Variants in TRANK1 observed in about 807,000 individuals in gnomAD.
TRANK1 encodes the protein tetratricopeptide repeat and ankyrin repeat containing 1, also known as TPR and ankyrin repeat-containing protein 1.
TRANK1 carries 198 observed loss-of-function variants against 266.0 expected under a neutral mutation model. That is an observed-to-expected ratio of 0.74 (90% CI 0.66 to 0.84). The LOEUF (loss-of-function observed/expected upper bound fraction) is 0.84, where lower values mean the gene tolerates loss of function less well. Among genes scored for constraint, TRANK1 ranks in the 40% least tolerant of loss-of-function variants. TRANK1 has a pLI of 0.00. For missense variants in TRANK1, 3,326 were observed against 3,634.6 expected, an observed-to-expected ratio of 0.92 and a Z score of 2.18; for synonymous variants, 1,396 against 1,384.1, an observed-to-expected ratio of 1.01 and a Z score of -0.19.
At chr3:36,905,388 T>G (rs1295036048) in intron 2 of TRANK1, among the ~76,000 whole-genome samples, 1 of 151,888 alleles carries the variant, frequency 6.6e-6, no homozygotes, top group African/African-American at 2.4e-5. Context: ...TTAGCTGAGG[T>G]CATGAGGGTG....
rs2079056440 is a variant in TRANK1 at position 36,856,508 on chromosome 3, T to C, written c.3214A>G (p.Ile1072Val). The C allele has an allele frequency of 3.1e-6, 5 of 1,613,992 alleles. No individual in the cohort carries two copies. Among genetic ancestry groups the C allele is most frequent in the African/African-American group, 1.3e-5 (1 of 75,044 alleles). Residue 1072 changes from isoleucine to valine, a missense_variant, in exon 13 of 24, where the codon ATC (isoleucine) becomes GTC (valine). By Grantham distance (29) the Ile-to-Val change is conservative. Coordinates refer to ENST00000645898, the MANE Select transcript of TRANK1 (RefSeq NM_001329998.2). ...GTGCCACTTCGCCCAATAAGGATGATGGGCTCCAGTGGCCTGGGATTGAGG... is the reference window on the plus strand; with the variant it reads ...GTGCCACTTCGCCCAATAAGGATGACGGGCTCCAGTGGCCTGGGATTGAGG... Reference protein sequence around the residue: ...IDLNPRPLEPIILIGRSGTGK... With the variant: ...IDLNPRPLEPVILIGRSGTGK...
chr3:36,926,684 G>A (rs949755854), intron 1 of TRANK1, among the ~76,000 whole-genome samples: 1 of 152,114 alleles, frequency 6.6e-6, no homozygotes, highest in South Asian at 2.1e-4. Context: ...CAACTCTAAC[G>A]AGTTCACTGT....
At chr3:36,907,699 C>T (rs971957678) in intron 2 of TRANK1, among the ~76,000 whole-genome samples, 1 of 144,098 alleles carries the variant, frequency 6.9e-6, no homozygotes, top group African/African-American at 2.6e-5. Flanking sequence ...CTCCTGACCT[C>T]GTGATCTGCC....
intron 3 of TRANK1, among the ~76,000 whole-genome samples, chr3:36,902,799 A>G (rs1405226342): frequency 6.6e-6 from 1 of 152,246 alleles, no homozygotes; most frequent in African/African-American, 2.4e-5. Context: ...ACTATATCAG[A>G]ACAAAACAAG....
At chr3:36,878,422 A>C (rs890158693) in intron 8 of TRANK1, among the ~76,000 whole-genome samples, 3 of 152,206 alleles carry the variant, frequency 2.0e-5, no homozygotes, top group African/African-American at 7.2e-5. Context: ...TGCAGGTCCT[A>C]AACTACCAAC....
Position 36,852,347 on chromosome 3 carries a change from TG to T in TRANK1, c.4550-3del. 1 of 1,562,236 alleles carries T rather than the reference TG, an allele frequency of 6.4e-7. No individual in the cohort carries two copies. Among genetic ancestry groups the T allele is most frequent in the South Asian group, 1.2e-5 (1 of 82,554 alleles). On this transcript the variant is annotated splice_region_variant and splice_polypyrimidine_tract_variant and intron_variant, in intron 13 of 23. Transcript: ENST00000645898. ...CTCCAGATGCCAGATTGAGGATTCC[TG>T]GAATGAAACAGAAAACCCAAGTTGG... is the stretch of plus-strand genomic sequence containing the variant.
At chr3:36,895,952 C>T (rs1217562161) in intron 4 of TRANK1, among the ~76,000 whole-genome samples, 194 bp from the exon 5 acceptor site, 2 of 152,140 alleles carry the variant, frequency 1.3e-5, no homozygotes, top group African/African-American at 4.8e-5. Flanking sequence ...ATCATAAAAT[C>T]AATCCCCTAA....
intron 1 of TRANK1, among the ~76,000 whole-genome samples, chr3:36,942,838 G>T (rs1040113520): frequency 2.0e-5 from 3 of 148,910 alleles, no homozygotes; most frequent in Non-Finnish European, 3.0e-5. Flanking sequence ...CTGGTCAGTC[G>T]GTCATAAAGT....
At chr3:36,849,788 A>G (rs576003545) in intron 15 of TRANK1, among the ~76,000 whole-genome samples, 1 of 152,178 alleles carries the variant, frequency 6.6e-6, no homozygotes, top group East Asian at 1.9e-4. Context: ...GAGGTTGTAA[A>G]TGATAAACTG....
intron 9 of TRANK1, among the ~76,000 whole-genome samples, chr3:36,865,434 A>G (rs1026220274): frequency 1.3e-5 from 2 of 152,242 alleles, no homozygotes; most frequent in Non-Finnish European, 2.9e-5. Flanking sequence ...GCACGATGGC[A>G]ACATCCAACT....
rs2079064808 is a variant in TRANK1 at position 36,856,953 on chromosome 3, C to G, written c.2769G>C (p.Gln923His). Residue 923 changes from glutamine (Q) to histidine (H), a missense_variant, in exon 13 of 24, where the codon CAG becomes CAC. Physicochemically the swap from Gln to His is conservative, Grantham distance 24 (BLOSUM62 0). Transcript: ENST00000645898. ...CTGATTTCTCCATTGCACACGTGTTCTGCTCCGTGGCAATGATCTTCTCAG... is the reference window on the plus strand; with the variant it reads ...CTGATTTCTCCATTGCACACGTGTTGTGCTCCGTGGCAATGATCTTCTCAG... Reference protein sequence around the residue: ...ENPEKIIATEQNTCAMEKSGR... With the variant: ...ENPEKIIATEHNTCAMEKSGR... The G allele has an allele frequency of 6.2e-7, 1 of 1,613,394 alleles. No homozygotes were observed.
Position 36,846,861 on chromosome 3 carries a change from A to C in TRANK1, c.5034+339T>G, listed in dbSNP as rs182397775. Among the ~76,000 whole-genome samples the C allele has an allele frequency of 2.0e-5, 3 of 152,300 alleles. No homozygotes were observed. The East Asian group carries it at 5.8e-4, about 29-fold the overall frequency. On this transcript the variant is annotated intron_variant, in intron 16 of 23. Transcript: ENST00000645898. ...TTTTTAAAAATTAAACCAGTCATAC[A>C]CTTTTACTATAACTATCACTAGTAC... is the stretch of plus-strand genomic sequence containing the variant.
intron 1 of TRANK1, among the ~76,000 whole-genome samples, chr3:36,939,599 C>T (rs1575341394): frequency 6.6e-6 from 1 of 152,170 alleles, no homozygotes; most frequent in African/African-American, 2.4e-5. Flanking sequence ...GTATCACATA[C>T]ATGACTGGAC....
intron 1 of TRANK1, among the ~76,000 whole-genome samples, chr3:36,937,478 GAACA>G (rs2125669887): frequency 6.6e-6 from 1 of 152,046 alleles, no homozygotes; most frequent in East Asian, 1.9e-4. Flanking sequence ...TCCAAGCAAG[GAACA>G]AACTTAAGTC....
intron 6 of TRANK1, 49 bp downstream of exon 6, chr3:36,892,852 C>CAAA (rs771679113): frequency 1.2e-4 from 72 of 582,060 alleles, no homozygotes; most frequent in African/African-American, 1.1e-3. Context: ...CAAAACAAAA[C>CAAA]ATATATATAT....
rs1438509476 is a variant in TRANK1, at chr3:36,941,044, T to G, written c.23+3743A>C. Among the ~76,000 whole-genome samples the G allele has an allele frequency of 2.0e-5, 3 of 152,298 alleles. No individual in the cohort carries two copies. In the East Asian group the frequency reaches 5.8e-4, roughly 29 times the overall value. On this transcript the variant is annotated intron_variant, in intron 1 of 23. Coordinates refer to ENST00000645898, the MANE Select transcript of TRANK1 (RefSeq NM_001329998.2). ...AAATGATTGCCCTGGTGGCCACAGC[T>G]GAACATGAAGGATGAGCCCATCCAA...
intron 3 of TRANK1, among the ~76,000 whole-genome samples, chr3:36,901,101 GTTTTT>G (rs55801006): frequency 4.6e-4 from 63 of 136,988 alleles, no homozygotes; most frequent in East Asian, 4.4e-3. Flanking sequence ...ATTCAAGGTT[GTTTTT>G]TTTTTTTTTT....
intron 9 of TRANK1, among the ~76,000 whole-genome samples, chr3:36,869,373 C>A (rs1000644391): frequency 9.8e-5 from 15 of 152,330 alleles, no homozygotes; most frequent in Non-Finnish European, 1.9e-4. Flanking sequence ...TGGGGTACAG[C>A]AAACTTGAGG....
intron 18 of TRANK1, among the ~76,000 whole-genome samples, chr3:36,841,436 G>A (rs1278912268): frequency 6.6e-6 from 1 of 152,130 alleles, no homozygotes; most frequent in Non-Finnish European, 1.5e-5. Flanking sequence ...GAAATCTTAG[G>A]GAAATGAGCA....
Sources: gnomAD v4.1 joint callset for allele counts (sites outside exome capture counted in the v4.1 genomes callset) on GRCh38, gnomAD v4.1.1 for gene constraint, MANE v1.5 for transcripts, NCBI Gene and HGNC (gene_info 2026-07-23, HGNC 2026-07-21) for gene names.